Variants in GALNT13 observed in about 807,000 individuals in gnomAD.
GALNT13 encodes the protein polypeptide N-acetylgalactosaminyltransferase 13, also known as UDP-GalNAc:polypeptide N-acetylgalactosaminyltransferase 13.
In GALNT13, 28 loss-of-function variants were observed where a neutral mutation model predicts 64.2. The ratio of observed to expected loss-of-function variants is 0.44; its 90% CI spans 0.32 to 0.60. GALNT13 has a LOEUF of 0.60. Among genes scored for constraint, GALNT13 ranks in the 20% least tolerant of loss-of-function variants. The pLI is 0.05. For synonymous variants in GALNT13, 214 were observed against 224.6 expected (o/e 0.95, Z 0.42); for missense variants, 577 against 669.8 (o/e 0.86, Z 1.53).
the GALNT13 span, among the ~76,000 whole-genome samples, chr2:153,838,215 T>G: frequency 6.6e-6 from 1 of 152,174 alleles, no homozygotes; most frequent in African/African-American, 2.4e-5. Flanking sequence ...TTCATTTTGT[T>G]GATTTTTCCC....
At chr2:153,861,801 C>A in the GALNT13 span, among the ~76,000 whole-genome samples, 1 of 152,056 alleles carries the variant, frequency 6.6e-6, no homozygotes, top group Non-Finnish European at 1.5e-5. Flanking sequence ...GTCATGAACT[C>A]CAGACCTCAG....
chr2:153,775,827 T>C, the GALNT13 span, among the ~76,000 whole-genome samples: 2 of 152,174 alleles, frequency 1.3e-5, no homozygotes, highest in Non-Finnish European at 2.9e-5. Context: ...GACTATGTCT[T>C]GTATAATTAC....
chr2:153,675,034 A>G, the GALNT13 span, among the ~76,000 whole-genome samples: 1 of 152,230 alleles, frequency 6.6e-6, no homozygotes, highest in Admixed American at 6.5e-5. Context: ...ATCATTAAAA[A>G]GTCAGGAAAC....
At chr2:154,114,265 G>A (rs1703153911) in intron 3 of GALNT13, among the ~76,000 whole-genome samples, 1 of 152,114 alleles carries the variant, frequency 6.6e-6, no homozygotes, top group African/African-American at 2.4e-5. Context: ...CCAATGTGGG[G>A]GTTCTGCCAG....
chr2:153,122,408 CAGTG>C, the GALNT13 span, among the ~76,000 whole-genome samples: 1 of 152,144 alleles, frequency 6.6e-6, no homozygotes, highest in African/African-American at 2.4e-5. Context: ...AAGAAAAACT[CAGTG>C]AGGCAGTTGA....
chr2:153,484,499 A>G, the GALNT13 span, among the ~76,000 whole-genome samples: 1 of 152,174 alleles, frequency 6.6e-6, no homozygotes, highest in Non-Finnish European at 1.5e-5. Context: ...TTTTTAGTAA[A>G]AACTATTATT....
the GALNT13 span, among the ~76,000 whole-genome samples, chr2:153,454,774 A>G: frequency 6.6e-6 from 1 of 152,330 alleles, no homozygotes; most frequent in Admixed American, 6.5e-5. Flanking sequence ...AGACCTATGA[A>G]TGTATGTATG....
the GALNT13 span, among the ~76,000 whole-genome samples, chr2:153,765,201 C>G: frequency 6.6e-6 from 1 of 152,160 alleles, no homozygotes; most frequent in Non-Finnish European, 1.5e-5. Flanking sequence ...ATGGTAGAGC[C>G]ACTGACAGCT....
At chr2:153,439,365 C>G in the GALNT13 span, among the ~76,000 whole-genome samples, 1 of 152,276 alleles carries the variant, frequency 6.6e-6, no homozygotes, top group East Asian at 1.9e-4. Flanking sequence ...GGGACATTTT[C>G]GTCTGCAGAG....
At chr2:153,384,369 G>A in the GALNT13 span, among the ~76,000 whole-genome samples, 2 of 152,042 alleles carry the variant, frequency 1.3e-5, no homozygotes, top group Non-Finnish European at 2.9e-5. Context: ...AAAACTTCGT[G>A]TTCTTCAAGT....
chr2:154,226,681 AT>A (rs1559036061), intron 4 of GALNT13, among the ~76,000 whole-genome samples: 1 of 151,972 alleles, frequency 6.6e-6, no homozygotes, highest in Non-Finnish European at 1.5e-5. Flanking sequence ...CTCTGCTTTA[AT>A]TTTTTAACTT....
chr2:153,624,098 T>C, the GALNT13 span, among the ~76,000 whole-genome samples: 2 of 151,964 alleles, frequency 1.3e-5, no homozygotes, highest in Non-Finnish European at 2.9e-5. Flanking sequence ...AAGAAGAAAA[T>C]GAGATATCTA....
the GALNT13 span, among the ~76,000 whole-genome samples, chr2:153,764,791 C>T: frequency 6.6e-6 from 1 of 152,174 alleles, no homozygotes; most frequent in Non-Finnish European, 1.5e-5. Context: ...TGGGCTAGGC[C>T]CAGGGCCCCC....
At chr2:153,205,729 T>G in the GALNT13 span, among the ~76,000 whole-genome samples, 3,837 of 152,184 alleles carry the variant, frequency 0.025, 176 homozygotes, top group African/African-American at 0.087. Context: ...TTTCCATTTT[T>G]AAATCTAGTA....
intron 4 of GALNT13, among the ~76,000 whole-genome samples, chr2:154,208,138 G>A (rs546862191): frequency 5.9e-5 from 9 of 152,100 alleles, no homozygotes; most frequent in African/African-American, 1.9e-4. Flanking sequence ...TAACCAAAAG[G>A]TCATTCCAGA....
At chr2:153,588,717 G>T in the GALNT13 span, among the ~76,000 whole-genome samples, 2 of 152,216 alleles carry the variant, frequency 1.3e-5, no homozygotes, top group African/African-American at 4.8e-5. Flanking sequence ...GCATAGTTTT[G>T]CAGCTGGCTT....
the GALNT13 span, among the ~76,000 whole-genome samples, chr2:153,322,486 T>C: frequency 6.6e-6 from 1 of 152,138 alleles, no homozygotes; most frequent in South Asian, 2.1e-4. Context: ...TGAGTACATG[T>C]TTCTTATTGG....
At chr2:153,392,470 T>A in the GALNT13 span, among the ~76,000 whole-genome samples, 2 of 152,106 alleles carry the variant, frequency 1.3e-5, no homozygotes, top group Non-Finnish European at 2.9e-5. Flanking sequence ...TGAGGATCTT[T>A]ATAATTTCTT....
chr2:153,976,228 T>C (rs1293135681), intron 3 of GALNT13, among the ~76,000 whole-genome samples: 2 of 152,088 alleles, frequency 1.3e-5, no homozygotes, highest in Non-Finnish European at 2.9e-5. Context: ...TAGATTAGCA[T>C]TGGCTGGAAC....
Sources: gnomAD v4.1 joint callset for allele counts (sites outside exome capture counted in the v4.1 genomes callset) on GRCh38, gnomAD v4.1.1 for gene constraint, MANE v1.5 for transcripts, NCBI Gene and HGNC (gene_info 2026-07-23, HGNC 2026-07-21) for gene names.